Variants in PLCD1 observed in about 807,000 individuals in gnomAD.
The protein encoded by PLCD1 is phospholipase C delta 1.
A neutral mutation model predicts 87.4 loss-of-function variants in PLCD1; 71 were observed. That is an observed-to-expected ratio of 0.81 (90% CI 0.67 to 0.99). The LOEUF (loss-of-function observed/expected upper bound fraction) is 0.99, where lower values mean the gene tolerates loss of function less well. PLCD1 is among the 50% of genes least tolerant of loss of function. PLCD1 has a pLI of 0.00. For synonymous variants in PLCD1, 348 were observed against 399.2 expected (o/e 0.87, Z 1.53); for missense variants, 867 against 1,001.5 (o/e 0.87, Z 1.81).
chr3:38,011,783 G>T, intron 3 of PLCD1, 110 bp from the exon 4 acceptor site: 2 of 1,024,672 alleles, frequency 2.0e-6, no homozygotes, highest in Non-Finnish European at 3.1e-6. Flanking sequence ...CTCCCTGCAG[G>T]CCTGACTTAC....
At position 38,025,271 on chromosome 3, in the gene PLCD1, G is replaced by C. The variant is rs1700296612; in HGVS notation, c.34+4235C>G. Among the ~76,000 whole-genome samples, 1 of 152,258 alleles carries C rather than the reference G, an allele frequency of 6.6e-6. No individual in the cohort carries two copies. Among genetic ancestry groups the C allele is most frequent in the Non-Finnish European group, 1.5e-5 (1 of 68,050 alleles). The stretch of plus-strand genomic sequence containing the variant: ...GGGTCCGGGAGGCAGTGTGGGCGGG[G>C]TCTGACCAAGGAGCCGGAGCGGCGA... On this transcript the variant is annotated intron_variant, in intron 1 of 14. Transcript: ENST00000334661. The surrounding 1 kb of genome is among the most constrained non-coding windows in gnomAD (Gnocchi z 4.0).
intron 1 of PLCD1, among the ~76,000 whole-genome samples, chr3:38,020,741 C>T (rs1233825965): frequency 6.6e-6 from 1 of 152,170 alleles, no homozygotes; most frequent in Admixed American, 6.5e-5. Flanking sequence ...GTGAGCCCCT[C>T]CTGGTCACAC....
At chr3:38,024,532 C>T (rs777441423) in intron 1 of PLCD1, 8 of 1,514,988 alleles carry the variant, frequency 5.3e-6, no homozygotes, top group African/African-American at 1.4e-5. Flanking sequence ...GTCCGGGGGG[C>T]GGAACTGTCG....
Position 38,010,432 on chromosome 3 carries a change from C to T in PLCD1, c.921G>A (p.Val307=). The T allele has an allele frequency of 6.2e-7, 1 of 1,614,214 alleles. No individual in the cohort carries two copies. Among genetic ancestry groups the T allele is most frequent in the Non-Finnish European group, 8.5e-7 (1 of 1,180,026 alleles). The change falls in exon 6 of 15, where the codon GTG becomes GTA. Residue 307 remains valine, a synonymous_variant. Coordinates refer to ENST00000334661, the MANE Select transcript of PLCD1 (RefSeq NM_006225.4). The part of the protein sequence containing the change: ...DMGQPLSHYL[V]SSSHNTYLLE... ...GCAGGTAGGTGTTGTGTGAAGAGGA[C>T]ACCAGGTAGTGGCTAAGTGGCTGGC... is the stretch of plus-strand genomic sequence containing the variant.
chr3:38,008,085 T>TCCA lies in PLCD1; in HGVS notation c.2111_2113dup (p.Val704dup). Reference sequence around the variant, plus strand: ...ATTCTTGGAGGAGGCATCATAATCTTCCACCAAGAAGCGGATGAGGGCAAG... The same window carrying TCCA: ...ATTCTTGGAGGAGGCATCATAATCTTCCACCACCAAGAAGCGGATGAGGGCAAG... On this transcript the variant is annotated inframe_insertion, in exon 14 of 15. Coordinates refer to ENST00000334661, the MANE Select transcript of PLCD1 (RefSeq NM_006225.4). 6.2e-7 allele frequency: 1 copy of TCCA among 1,614,128 alleles called. No individual in the cohort carries two copies. Among genetic ancestry groups the TCCA allele is most frequent in the South Asian group, 1.1e-5 (1 of 91,076 alleles).
intron 1 of PLCD1, among the ~76,000 whole-genome samples, chr3:38,021,451 G>A (rs1471892994): frequency 2.6e-5 from 4 of 152,096 alleles, no homozygotes. Context: ...CCAAAGATGC[G>A]ATGCCCTCAG....
Position 38,009,860 on chromosome 3 carries a change from G to C in PLCD1, c.1287+44C>G, listed in dbSNP as rs749905150. The C allele has an allele frequency of 6.2e-6, 10 of 1,607,342 alleles. 1 individual carries two copies. In the South Asian group the frequency reaches 7.8e-5, roughly 12 times the overall value. ...CAAGACACACCTAGCGCCCCGGCTA[G>C]GCTCCCCACCCTCCCCCAGGGATCC... On this transcript the variant is annotated intron_variant, in intron 8 of 14. Transcript: ENST00000334661.
intron 1 of PLCD1, among the ~76,000 whole-genome samples, chr3:38,028,523 G>C (rs939640640): frequency 2.6e-5 from 4 of 152,196 alleles, no homozygotes; most frequent in African/African-American, 4.8e-5. Context: ...TTATGTCCAT[G>C]AACAGTTTAG....
At position 38,024,410 on chromosome 3, in the gene PLCD1, G is replaced by C. The variant is rs1372680852; in HGVS notation, c.35-4058C>G. ...GGTAGAGCTCCCTGGAGCGGCTCCG[G>C]CTCCGGATCCCCAGGCACTGCATGG... is the stretch of plus-strand genomic sequence containing the variant. On this transcript the variant is annotated intron_variant, in intron 1 of 14. Transcript: ENST00000334661. The C allele has an allele frequency of 4.3e-6, 7 of 1,612,374 alleles. No individual in the cohort carries two copies. Among genetic ancestry groups the C allele is most frequent in the Middle Eastern group, 1.6e-4 (1 of 6,066 alleles).
chr3:38,026,566 G>T (rs569515629), intron 1 of PLCD1, among the ~76,000 whole-genome samples: 1 of 152,210 alleles, frequency 6.6e-6, no homozygotes, highest in Non-Finnish European at 1.5e-5. Flanking sequence ...CTGAGAAGGG[G>T]TCTACAGGCT....
In PLCD1 at chr3:38,008,061, T is replaced by C; in HGVS notation, c.2138A>G (p.Asn713Ser). 3.7e-6 allele frequency: 6 copies of C among 1,614,194 alleles called. No individual in the cohort carries two copies. The highest frequency in any genetic ancestry group is 5.1e-6 in the Non-Finnish European group (6 of 1,180,034). ...GATGGTACTCTGGCCAATGAAGTCA[T>C]TCTTGGAGGAGGCATCATAATCTTC... Reference protein sequence around the residue: ...LVEDYDASSKNDFIGQSTIPL... With the variant: ...LVEDYDASSKSDFIGQSTIPL... The change falls in exon 14 of 15, where the codon AAT becomes AGT. Residue 713 changes from asparagine to serine, a missense_variant. Transcript: ENST00000334661.
rs1168772954 is a variant in PLCD1, at chr3:38,017,922, G to A, written c.200-1203C>T. Among the ~76,000 whole-genome samples, 1 of 151,978 alleles carries A rather than the reference G, an allele frequency of 6.6e-6. No individual in the cohort carries two copies. Among genetic ancestry groups the A allele is most frequent in the Non-Finnish European group, 1.5e-5 (1 of 67,982 alleles). On this transcript the variant is annotated intron_variant, in intron 2 of 14. Transcript: ENST00000334661. The surrounding 1 kb of genome is among the most constrained non-coding windows in gnomAD (Gnocchi z 4.7). Reference sequence around the variant, plus strand: ...GCCTGCAGCCCCTGGTGACCCACACGGCCGCACACAGGGTGCAGCTGCAGC... The same window carrying A: ...GCCTGCAGCCCCTGGTGACCCACACAGCCGCACACAGGGTGCAGCTGCAGC...
chr3:38,011,121 G>A (rs923897066), intron 5 of PLCD1, 93 bp downstream of exon 5: 88 of 987,994 alleles, frequency 8.9e-5, no homozygotes, highest in East Asian at 1.6e-4. Flanking sequence ...CCTTCCCTCC[G>A]GTTCCCTTCT....
At chr3:38,027,241 T>G (rs758376992) in intron 1 of PLCD1, among the ~76,000 whole-genome samples, 1 of 152,166 alleles carries the variant, frequency 6.6e-6, no homozygotes, top group Non-Finnish European at 1.5e-5. Flanking sequence ...TACCTTATGA[T>G]GCCCCCATCA....
At position 38,010,256 on chromosome 3, in the gene PLCD1, G is replaced by C. The variant is rs749024979; in HGVS notation, c.1012C>G (p.Arg338Gly). 1.9e-6 allele frequency: 3 copies of C among 1,614,208 alleles called. No individual in the cohort carries two copies. Among genetic ancestry groups the C allele is most frequent in the Admixed American group, 1.7e-5 (1 of 60,032 alleles). Residue 338 changes from arginine to glycine, a missense_variant, in exon 7 of 15, where the codon CGA becomes GGA. Coordinates refer to ENST00000334661, the MANE Select transcript of PLCD1 (RefSeq NM_006225.4). The stretch of plus-strand genomic sequence containing the variant: ...TCCCAGCAGTCAAGCTCCAGGCATC[G>C]GCAGCCTTTGCACAGTGCCCTGCGG... The part of the protein sequence containing the change: ...AYIRALCKGC[R>G]CLELDCWDGP...
rs2125548366 is a variant in PLCD1 at position 38,017,675 on chromosome 3, C to T, written c.200-956G>A. 6.6e-6 allele frequency among the ~76,000 whole-genome samples: 1 copy of T among 152,306 alleles called. No individual in the cohort carries two copies. The highest frequency in any genetic ancestry group is 3.4e-3 in the Middle Eastern group (1 of 294). ...GGCTCTGCCCCTGCCATACCTCCATCCTGAGCCATCCTCATCCATCTGTCC... is the reference window on the plus strand; with the variant it reads ...GGCTCTGCCCCTGCCATACCTCCATTCTGAGCCATCCTCATCCATCTGTCC... On this transcript the variant is annotated intron_variant, in intron 2 of 14. Transcript: ENST00000334661. This position sits in a 1 kb window ranked among gnomAD's most constrained non-coding sequence, Gnocchi z 4.7.
In PLCD1 at chr3:38,025,850, C is replaced by T. The variant is rs1244514203; in HGVS notation, c.34+3656G>A. ...TCTTACTCTCAGCCTCTGAATAGTT[C>T]CCCCAGTTCGCTTCACTGCAGCTCC... On this transcript the variant is annotated intron_variant, in intron 1 of 14. Coordinates refer to ENST00000334661, the MANE Select transcript of PLCD1 (RefSeq NM_006225.4). This position sits in a 1 kb window ranked among gnomAD's most constrained non-coding sequence, Gnocchi z 4.0. Among the ~76,000 whole-genome samples, 1 of 152,308 alleles carries T rather than the reference C, an allele frequency of 6.6e-6. No homozygotes were observed. The highest frequency in any genetic ancestry group is 2.1e-4 in the South Asian group (1 of 4,812).
chr3:38,021,900 T>C (rs1700239115), intron 1 of PLCD1, among the ~76,000 whole-genome samples: 1 of 152,164 alleles, frequency 6.6e-6, no homozygotes, highest in African/African-American at 2.4e-5. Context: ...CCAGCCAGCC[T>C]GTCCCACATA....
At chr3:38,023,593 C>T (rs985077616) in intron 1 of PLCD1, among the ~76,000 whole-genome samples, 1 of 152,008 alleles carries the variant, frequency 6.6e-6, no homozygotes, top group African/African-American at 2.4e-5. Flanking sequence ...ACAGGGTCAG[C>T]GGTATGAAAC....
Sources: allele counts gnomAD v4.1 joint callset (sites outside exome capture counted in the v4.1 genomes callset), GRCh38; gene constraint gnomAD v4.1.1; non-coding constraint Gnocchi (gnomAD v3.1); transcripts MANE v1.5; gene names NCBI Gene and HGNC (gene_info 2026-07-23, HGNC 2026-07-21).